Variants in RBFOX1 observed in about 807,000 individuals in gnomAD.
RBFOX1 encodes RNA binding protein fox-1 homolog 1.
RBFOX1 carries 8 observed loss-of-function variants against 57.7 expected under a neutral mutation model. The observed-to-expected ratio is 0.14, with a 90% CI of 0.08 to 0.25. RBFOX1 has a LOEUF of 0.25. Among genes scored for constraint, RBFOX1 ranks in the 10% least tolerant of loss-of-function variants. The pLI is 1.00. For missense variants in RBFOX1, 611 were observed against 548.5 expected (o/e 1.11, Z -1.14); for synonymous variants, 326 against 222.4 (o/e 1.47, Z -4.15).
At chr16:7,477,635 A>T (rs1308587502) in intron 4 of RBFOX1, among the ~76,000 whole-genome samples, 3 of 152,116 alleles carry the variant, frequency 2.0e-5, no homozygotes, top group African/African-American at 4.8e-5. Context: ...CTCTCACCTT[A>T]TTACGATGGT....
At chr16:6,716,408 G>A (rs984610240) in intron 3 of RBFOX1, among the ~76,000 whole-genome samples, 30 of 152,142 alleles carry the variant, frequency 2.0e-4, no homozygotes, top group African/African-American at 6.8e-4. Flanking sequence ...CCATTTCAAA[G>A]CGGTGGAATT....
At chr16:5,999,729 C>T (rs971974188) in intron 4 of RBFOX1, among the ~76,000 whole-genome samples, 45 of 151,762 alleles carry the variant, frequency 3.0e-4, no homozygotes, top group Non-Finnish European at 4.4e-4. Flanking sequence ...GGCTTGGTGG[C>T]GGGCGCCTGT....
intron 4 of RBFOX1, among the ~76,000 whole-genome samples, chr16:7,246,318 A>G (rs920735891): frequency 6.6e-6 from 1 of 152,122 alleles, no homozygotes; most frequent in African/African-American, 2.4e-5. Flanking sequence ...CCCTCCCTGG[A>G]TTCCCTGTCT....
At chr16:5,316,627 TA>T (rs1374147498) in intron 1 of RBFOX1, among the ~76,000 whole-genome samples, 2 of 152,218 alleles carry the variant, frequency 1.3e-5, no homozygotes, top group Non-Finnish European at 2.9e-5. Flanking sequence ...TAAGAATACC[TA>T]CTGTGATTGT....
chr16:6,972,447 C>T (rs1310647382), intron 3 of RBFOX1, among the ~76,000 whole-genome samples: 1 of 152,028 alleles, frequency 6.6e-6, no homozygotes. Context: ...AGTAATATTC[C>T]CTTATGTGGA....
intron 4 of RBFOX1, among the ~76,000 whole-genome samples, chr16:6,009,171 C>G (rs566728096): frequency 1.8e-3 from 275 of 151,252 alleles, no homozygotes; most frequent in Middle Eastern, 6.8e-3. Flanking sequence ...TCACAACATT[C>G]TTCAACAGTG....
At chr16:6,379,291 T>A (rs2091539757) in intron 2 of RBFOX1, among the ~76,000 whole-genome samples, 1 of 151,996 alleles carries the variant, frequency 6.6e-6, no homozygotes, top group African/African-American at 2.4e-5. Flanking sequence ...GGTGCTTCCC[T>A]AGGAGAGAGG....
chr16:7,607,742 C>G (rs888387069), intron 10 of RBFOX1, among the ~76,000 whole-genome samples: 1 of 152,154 alleles, frequency 6.6e-6, no homozygotes, highest in Admixed American at 6.5e-5. Flanking sequence ...AGCAGAGAGT[C>G]GAGTTGGCTT....
intron 4 of RBFOX1, among the ~76,000 whole-genome samples, chr16:7,115,298 G>T (rs551358339): frequency 6.6e-6 from 1 of 152,138 alleles, no homozygotes; most frequent in African/African-American, 2.4e-5. Flanking sequence ...TTGATTACTT[G>T]TGTGCCAGCA....
At chr16:6,200,729 T>G (rs181967093) in intron 1 of RBFOX1, among the ~76,000 whole-genome samples, 1 of 152,198 alleles carries the variant, frequency 6.6e-6, no homozygotes, top group East Asian at 1.9e-4. Context: ...TGAAGGGTTG[T>G]GTCTTGTGTG....
intron 1 of RBFOX1, chr16:5,270,402 A>G (rs1567260165): frequency 3.2e-6 from 4 of 1,254,914 alleles, no homozygotes; most frequent in Admixed American, 1.7e-5. Flanking sequence ...GTGCAGAATG[A>G]TGAAGTTGCA....
intron 3 of RBFOX1, among the ~76,000 whole-genome samples, chr16:6,814,938 A>G (rs1051659140): frequency 6.6e-6 from 1 of 152,194 alleles, no homozygotes; most frequent in Non-Finnish European, 1.5e-5. Context: ...TTAAGAAAAT[A>G]CAGGAATAAA....
chr16:7,321,337 G>A (rs1031477227), intron 4 of RBFOX1, among the ~76,000 whole-genome samples: 5 of 151,978 alleles, frequency 3.3e-5, no homozygotes, highest in African/African-American at 1.2e-4. Flanking sequence ...ATAGAGACAG[G>A]CTTTCACCAT....
At chr16:7,583,085 T>G (rs1011368220) in intron 6 of RBFOX1, among the ~76,000 whole-genome samples, 1 of 152,212 alleles carries the variant, frequency 6.6e-6, no homozygotes, top group African/African-American at 2.4e-5. Context: ...TGCTTCATAT[T>G]CTTTACTTTC....
At chr16:7,243,981 T>TTTCTA (rs138278602) in intron 4 of RBFOX1, among the ~76,000 whole-genome samples, 6 of 22,386 alleles carry the variant, frequency 2.7e-4, no homozygotes, top group African/African-American at 2.3e-3. Context: ...CTAACATACA[T>TTTCTA]TTCTTTTTTC....
chr16:5,492,594 C>T (rs2042870041), intron 2 of RBFOX1, among the ~76,000 whole-genome samples: 1 of 152,184 alleles, frequency 6.6e-6, no homozygotes, highest in African/African-American at 2.4e-5. Context: ...TACAAAGGTC[C>T]TGTGGCCAGA....
chr16:7,216,989 T>G, intron 4 of RBFOX1, among the ~76,000 whole-genome samples: 1 of 135,718 alleles, frequency 7.4e-6, no homozygotes, highest in Admixed American at 7.4e-5. Flanking sequence ...AGGATTTTCC[T>G]TCCTTCCTCC....
chr16:7,206,572 A>C (rs1041416606), intron 4 of RBFOX1, among the ~76,000 whole-genome samples: 1 of 151,962 alleles, frequency 6.6e-6, no homozygotes, highest in African/African-American at 2.4e-5. Flanking sequence ...TGCCAATCAT[A>C]TGGGTTAAGG....
chr16:6,712,338 C>T lies in RBFOX1; in HGVS notation c.-16+57688C>T, dbSNP rs960233020. Among the ~76,000 whole-genome samples, 3 of 152,112 alleles carry T rather than the reference C, an allele frequency of 2.0e-5. 1 individual carries two copies. The East Asian group carries it at 5.8e-4, about 29-fold the overall frequency. On this transcript the variant is annotated intron_variant, in intron 3 of 15. Coordinates refer to ENST00000550418, the MANE Select transcript of RBFOX1 (RefSeq NM_018723.4). ...CCAAATACCCATTTGCGCATGTGTG[C>T]CCGAGACCACGTTGTTGAAATGTTA...
Sources: allele counts gnomAD v4.1 joint callset (sites outside exome capture counted in the v4.1 genomes callset), GRCh38; gene constraint gnomAD v4.1.1; transcripts MANE v1.5; gene names NCBI Gene and HGNC (gene_info 2026-07-23, HGNC 2026-07-21).